P4HTM: variants seen among roughly 807,000 people sequenced by gnomAD.
P4HTM encodes transmembrane prolyl 4-hydroxylase.
P4HTM carries 33 observed loss-of-function variants against 55.3 expected under a neutral mutation model. The observed-to-expected ratio is 0.60, with a 90% CI of 0.45 to 0.80. The LOEUF (loss-of-function observed/expected upper bound fraction) is 0.80, where lower values mean the gene tolerates loss of function less well. Among genes scored for constraint, P4HTM ranks in the 30% least tolerant of loss-of-function variants. The pLI is 0.00. For synonymous variants in P4HTM, 272 were observed against 286.4 expected (o/e 0.95, Z 0.51); for missense variants, 542 against 696.5 (o/e 0.78, Z 2.50).
chr3:48,997,694 T>C (rs1402986954), intron 2 of P4HTM, among the ~76,000 whole-genome samples: 6 of 152,190 alleles, frequency 3.9e-5, no homozygotes, highest in African/African-American at 9.7e-5. Flanking sequence ...CTTAGCAGAA[T>C]TTTTGGTTTC....
chr3:49,004,988 A>G lies in P4HTM; in HGVS notation c.1015A>G (p.Ile339Val). 6.2e-7 allele frequency: 1 copy of G among 1,614,100 alleles called. No individual in the cohort carries two copies. The highest frequency in any genetic ancestry group is 8.5e-7 in the Non-Finnish European group (1 of 1,180,038). Residue 339 changes from isoleucine (I) to valine (V), a missense_variant, in exon 6 of 9, where the codon ATC (isoleucine) becomes GTC (valine). Physicochemically the swap from Ile to Val is conservative, Grantham distance 29 (BLOSUM62 3). Around this residue, in one of 2 missense-constraint regions of P4HTM, gnomAD observed 536 missense variants for 672.1 expected, o/e 0.80. Coordinates refer to ENST00000383729, the MANE Select transcript of P4HTM (RefSeq NM_177939.3). ...CAGTGGGCCTGTGTACCCAGAGACC[A>G]TCTGCTCCCATACCAAGCTGGTAGC... Reference protein sequence around the residue: ...VDSGPVYPETICSHTKLVANE... With the variant: ...VDSGPVYPETVCSHTKLVANE...
chr3:49,004,953 C>G lies in P4HTM; in HGVS notation c.980C>G (p.Ala327Gly). The change falls in exon 6 of 9, where the codon GCC (alanine) becomes GGC (glycine). Residue 327 changes from alanine (A) to glycine (G), a missense_variant. Ala to Gly is a moderately conservative substitution (Grantham distance 60, BLOSUM62 0). Around this residue, in one of 2 missense-constraint regions of P4HTM, gnomAD observed 536 missense variants for 672.1 expected, o/e 0.80. Coordinates refer to ENST00000383729, the MANE Select transcript of P4HTM (RefSeq NM_177939.3). ...TATGGTGAGGGGGGCCACTACCATG[C>G]CCACGTGGACAGTGGGCCTGTGTAC... Reference protein sequence around the residue: ...VRYGEGGHYHAHVDSGPVYPE... With the variant: ...VRYGEGGHYHGHVDSGPVYPE... The G allele has an allele frequency of 6.2e-7, 1 of 1,613,962 alleles. No individual in the cohort carries two copies. Among genetic ancestry groups the G allele is most frequent in the Non-Finnish European group, 8.5e-7 (1 of 1,179,966 alleles).
chr3:48,997,905 C>CT (rs1365829570), intron 2 of P4HTM: 1 of 152,098 alleles, frequency 6.6e-6, no homozygotes, highest in African/African-American at 2.4e-5. Flanking sequence ...CCAGAACCTC[C>CT]TTGGAGGAGC....
Position 49,002,155 on chromosome 3 carries a change from C to G in P4HTM, c.628-345C>G, listed in dbSNP as rs2092962908. ...GGTCTCCCCCTGGTGCCTGTTCTCC[C>G]TTAACACCCAGGACTTGGCTTTCCC... On this transcript the variant is annotated intron_variant, in intron 3 of 8. Transcript: ENST00000383729. The surrounding 1 kb of genome is among the most constrained non-coding windows in gnomAD (Gnocchi z 4.4). Among the ~76,000 whole-genome samples the G allele has an allele frequency of 6.6e-6, 1 of 152,226 alleles. No homozygotes were observed. The highest frequency in any genetic ancestry group is 2.4e-5 in the African/African-American group (1 of 41,458).
intron 2 of P4HTM, 191 bp from the exon 3 acceptor site, chr3:49,001,247 G>A (rs141431097): frequency 3.5e-5 from 22 of 620,364 alleles, no homozygotes; most frequent in South Asian, 1.3e-4. Flanking sequence ...CATTTCCAAC[G>A]CCAGCCAGCC....
At position 49,002,741 on chromosome 3, in the gene P4HTM, A is replaced by G; in HGVS notation, c.724+145A>G. The stretch of plus-strand genomic sequence containing the variant: ...AGTGGCCAGAGATGGGGAGGTGAAG[A>G]TCCAGCCTTGCTTTTTACCCCTGGG... On this transcript the variant is annotated intron_variant, in intron 4 of 8. Transcript: ENST00000383729. The surrounding 1 kb of genome is among the most constrained non-coding windows in gnomAD (Gnocchi z 4.4). 1 of 729,198 alleles carries G rather than the reference A, an allele frequency of 1.4e-6. No homozygotes were observed. Among genetic ancestry groups the G allele is most frequent in the Non-Finnish European group, 2.5e-6 (1 of 404,698 alleles). The allele number at this position is 729,198 out of a possible 1,614,324, so 45.2% of individuals were successfully genotyped here. A position where few individuals can be genotyped will look rare whatever the true frequency, so the allele number is the denominator to read the frequency against.
chr3:49,004,128 T>TGCA lies in P4HTM; in HGVS notation c.756_757insCAG (p.Met252_Asp253insGln). On this transcript the variant is annotated inframe_insertion, in exon 5 of 9. Transcript: ENST00000383729. ...CTGAGTCTGCAGGAGTTCTCCAACA[T>TGCA]GGACCTTCGGGACTTCCACAAGTAC... The TGCA allele has an allele frequency of 6.4e-7, 1 of 1,555,938 alleles. No individual in the cohort carries two copies. Among genetic ancestry groups the TGCA allele is most frequent in the Non-Finnish European group, 8.7e-7 (1 of 1,150,154 alleles).
chr3:49,004,786 G>A (rs1487136860), intron 5 of P4HTM, 75 bp from the exon 6 acceptor site: 9 of 1,488,014 alleles, frequency 6.0e-6, no homozygotes, highest in Non-Finnish European at 8.2e-6. Context: ...GGCAGGCCTA[G>A]GGTCCACCTT....
intron 4 of P4HTM, chr3:49,003,214 G>A (rs1480726351): frequency 5.0e-6 from 1 of 199,458 alleles, no homozygotes; most frequent in African/African-American, 2.3e-5. Flanking sequence ...CCAAATTCTG[G>A]ACCAAGAGAG....
intron 4 of P4HTM, chr3:49,003,137 T>G (rs1353222366): frequency 1.6e-5 from 4 of 245,956 alleles, no homozygotes; most frequent in Non-Finnish European, 8.1e-6. Flanking sequence ...GAAGCTGTCA[T>G]GCAAGTGGTG....
Position 49,007,105 on chromosome 3 carries a change from A to G in P4HTM, c.*198A>G, listed in dbSNP as rs1158943104. On this transcript the variant is annotated 3_prime_UTR_variant, in exon 9 of 9. Transcript: ENST00000383729. This position sits in a 1 kb window ranked among gnomAD's most constrained non-coding sequence, Gnocchi z 5.1. Reference sequence around the variant, plus strand: ...CATCTGCCCCGTCAAATAAAAAACCACAAGGTTCGAGCCGCCGGGCCCGAC... The same window carrying G: ...CATCTGCCCCGTCAAATAAAAAACCGCAAGGTTCGAGCCGCCGGGCCCGAC... The G allele has an allele frequency of 1.5e-6, 1 of 683,964 alleles. No individual in the cohort carries two copies. Among genetic ancestry groups the G allele is most frequent in the African/African-American group, 1.8e-5 (1 of 55,410 alleles). 42.4% of individuals were successfully genotyped at this position (683,964 alleles called of 1,614,324 possible). A position where few individuals can be genotyped will look rare whatever the true frequency, so the allele number is the denominator to read the frequency against.
At chr3:49,006,210 G>A (rs376875133) in intron 8 of P4HTM, 23 bp downstream of exon 8, 17 of 1,550,282 alleles carry the variant, frequency 1.1e-5, no homozygotes, top group South Asian at 3.4e-5. Flanking sequence ...GGCCAGGCCT[G>A]GGGGGGGTGC....
At position 49,006,262 on chromosome 3, in the gene P4HTM, A is replaced by G. The variant is rs1030862817; in HGVS notation, c.1288+75A>G. On this transcript the variant is annotated intron_variant, in intron 8 of 8. Transcript: ENST00000383729. ...CTTTACCCAGCCCCCGTCTGCCACA[A>G]TGGAGGGCTGTTTCTGGCTGCTTTC... is the stretch of plus-strand genomic sequence containing the variant. The G allele has an allele frequency of 3.3e-6, 5 of 1,501,296 alleles. No homozygotes were observed. In the Admixed American group the frequency reaches 7.5e-5, roughly 22 times the overall value. The allele number at this position is 1,501,296 out of a possible 1,614,324, so 93.0% of individuals were successfully genotyped here.
At chr3:48,991,066 C>G in intron 2 of P4HTM, 152 bp downstream of exon 2, 2 of 624,174 alleles carry the variant, frequency 3.2e-6, no homozygotes, top group Non-Finnish European at 5.8e-6. Flanking sequence ...CTTCCCCGTC[C>G]TCGAAATAGG....
At chr3:49,005,406 T>C in intron 6 of P4HTM, 6 of 1,403,366 alleles carry the variant, frequency 4.3e-6, no homozygotes, top group Non-Finnish European at 5.5e-6. Flanking sequence ...CTCCCTCCCC[T>C]GTCAAGCCAG....
intron 7 of P4HTM, 71 bp downstream of exon 7, chr3:49,005,938 A>G: frequency 6.5e-7 from 1 of 1,533,310 alleles, no homozygotes; most frequent in Non-Finnish European, 8.8e-7. Context: ...ACACCTCTCC[A>G]GGTCTAAGGA....
At chr3:49,003,845 C>T (rs1202129227) in intron 4 of P4HTM, 13 of 453,448 alleles carry the variant, frequency 2.9e-5, no homozygotes, top group East Asian at 4.1e-5. Context: ...GGGGGTGGGC[C>T]TCTTTCTTCT....
chr3:49,004,268 C>T lies in P4HTM; in HGVS notation c.887+8C>T, dbSNP rs1213901249. On this transcript the variant is annotated splice_region_variant and intron_variant, in intron 5 of 8. Transcript: ENST00000383729. Reference sequence around the variant, plus strand: ...GCGTGCCATCCGCCAGAGGTGAGCACCTGAAGCTGTTCTCACTGGAGCAGG... The same window carrying T: ...GCGTGCCATCCGCCAGAGGTGAGCATCTGAAGCTGTTCTCACTGGAGCAGG... 4.5e-6 allele frequency: 7 copies of T among 1,543,652 alleles called. No homozygotes were observed. In the East Asian group the frequency reaches 1.5e-4, roughly 32 times the overall value.
intron 2 of P4HTM, among the ~76,000 whole-genome samples, chr3:48,995,037 G>A (rs2092941557): frequency 1.3e-5 from 2 of 152,128 alleles, no homozygotes; most frequent in South Asian, 4.1e-4. Context: ...CTGACCTCAG[G>A]TGACCCACCC....
Sources: gnomAD v4.1 joint callset for allele counts (sites outside exome capture counted in the v4.1 genomes callset) on GRCh38, gnomAD v4.1.1 for gene constraint, gnomAD v4.1.1 regional missense constraint, Gnocchi (gnomAD v3.1) non-coding constraint, MANE v1.5 for transcripts, NCBI Gene and HGNC (gene_info 2026-07-23, HGNC 2026-07-21) for gene names.